The following ZKSCAN5 variants were observed in gnomAD, a reference collection of about 807,000 sequenced individuals.
ZKSCAN5 encodes the protein zinc finger protein with KRAB and SCAN domains 5.
Under a neutral mutation model 60.0 loss-of-function variants are expected in ZKSCAN5, and 28 were observed. That is an observed-to-expected ratio of 0.47 (90% CI 0.35 to 0.64). ZKSCAN5 has a LOEUF of 0.64. Among genes scored for constraint, ZKSCAN5 ranks in the 30% least tolerant of loss-of-function variants. The probability of loss-of-function intolerance (pLI) is 0.01; values close to 1 mark genes in which losing one functional copy is unlikely to be tolerated. For synonymous variants in ZKSCAN5, 361 were observed against 371.2 expected (o/e 0.97, Z 0.31); for missense variants, 881 against 1,034.6 (o/e 0.85, Z 2.04).
rs1288315335 is a variant in ZKSCAN5, at chr7:99,506,106, A to G, written c.62A>G (p.Glu21Gly). 2 of 1,614,042 alleles carry G rather than the reference A, an allele frequency of 1.2e-6. No individual in the cohort carries two copies. Among genetic ancestry groups the G allele is most frequent in the Admixed American group, 1.7e-5 (1 of 59,982 alleles). Residue 21 changes from glutamate (E) to glycine (G), a missense_variant, in exon 2 of 7, where the codon GAG becomes GGG. Transcript: ENST00000326775. ...GACCCCCCAGCTGAGACTTCCCAGG[A>G]GCAGGAAGACCTTTTCATAGTGAAG... ...DLDPPAETSQEQEDLFIVKVE... is the reference protein window; with the variant it reads ...DLDPPAETSQGQEDLFIVKVE...
intron 3 of ZKSCAN5, among the ~76,000 whole-genome samples, chr7:99,515,331 C>T (rs76908618): frequency 0.07 from 10,573 of 151,650 alleles, 748 homozygotes; most frequent in East Asian, 0.31. Context: ...GGCTTGAACA[C>T]GGGAGGCAGA....
Position 99,531,929 on chromosome 7 carries a change from C to G in ZKSCAN5, c.2200C>G (p.Gln734Glu), listed in dbSNP as rs144886822. Residue 734 changes from glutamine (Q) to glutamate (E), a missense_variant, in exon 7 of 7, where the codon CAG becomes GAG. Transcript: ENST00000326775. ...KAFGYSSDLI[Q>E]HYRTHTAEKP... is the part of the protein sequence containing the mutation. Reference sequence around the variant, plus strand: ...CTTTGGTTATAGCTCAGACCTCATTCAGCATTACAGAACTCATACAGCAGA... The same window carrying G: ...CTTTGGTTATAGCTCAGACCTCATTGAGCATTACAGAACTCATACAGCAGA... The G allele has an allele frequency of 4.5e-5, 72 of 1,614,162 alleles. 1 individual carries two copies. In the East Asian group the frequency reaches 1.6e-3, roughly 35 times the overall value.
chr7:99,508,214 G>A (rs944981526), intron 2 of ZKSCAN5, among the ~76,000 whole-genome samples: 1 of 151,472 alleles, frequency 6.6e-6, no homozygotes, highest in Non-Finnish European at 1.5e-5. Flanking sequence ...CAGGAGAATC[G>A]CTTGAACCTG....
intron 2 of ZKSCAN5, among the ~76,000 whole-genome samples, chr7:99,507,457 A>G (rs1318496406): frequency 6.7e-6 from 1 of 150,140 alleles, no homozygotes; most frequent in Non-Finnish European, 1.5e-5. Flanking sequence ...ATATGTATAT[A>G]TATGCGTATA....
At chr7:99,528,295 A>G (rs1801893573) in intron 6 of ZKSCAN5, among the ~76,000 whole-genome samples, 1 of 152,090 alleles carries the variant, frequency 6.6e-6, no homozygotes, top group African/African-American at 2.4e-5. Context: ...AAATCCACCA[A>G]TAGCGCTTTG....
intron 6 of ZKSCAN5, among the ~76,000 whole-genome samples, chr7:99,527,717 T>C (rs1801855437): frequency 6.6e-6 from 1 of 152,112 alleles, no homozygotes; most frequent in Admixed American, 6.6e-5. Flanking sequence ...GGAGTTTCAC[T>C]CTTGTTGCCC....
intron 6 of ZKSCAN5, 98 bp downstream of exon 6, chr7:99,526,516 G>T: frequency 5.7e-6 from 8 of 1,398,270 alleles, no homozygotes; most frequent in Admixed American, 2.3e-5. Context: ...TGGTGATACT[G>T]GGGGGGGTAG....
intron 3 of ZKSCAN5, among the ~76,000 whole-genome samples, chr7:99,512,860 G>A (rs1383419286): frequency 1.3e-5 from 2 of 151,458 alleles, no homozygotes; most frequent in South Asian, 2.1e-4. Context: ...AAGTTGTAGG[G>A]TACATGTGCA....
chr7:99,509,759 C>T (rs958664055), intron 2 of ZKSCAN5, among the ~76,000 whole-genome samples: 1 of 152,182 alleles, frequency 6.6e-6, no homozygotes, highest in African/African-American at 2.4e-5. Context: ...AGCCACTGTG[C>T]CCGGCCACAG....
At chr7:99,505,917 A>G (rs1332408648) in intron 1 of ZKSCAN5, 88 bp from the exon 2 acceptor site, 1 of 1,142,996 alleles carries the variant, frequency 8.7e-7, no homozygotes, top group African/African-American at 1.6e-5. Flanking sequence ...TGTCTTTGCT[A>G]ATAATGATGC....
intron 6 of ZKSCAN5, among the ~76,000 whole-genome samples, chr7:99,528,108 A>G (rs1218364023): frequency 3.3e-5 from 5 of 151,730 alleles, no homozygotes; most frequent in African/African-American, 9.7e-5. Flanking sequence ...AAGACCAGCC[A>G]AAATGTTTTT....
chr7:99,516,062 C>T (rs1232856201), intron 3 of ZKSCAN5, among the ~76,000 whole-genome samples: 2 of 151,916 alleles, frequency 1.3e-5, no homozygotes, highest in Non-Finnish European at 2.9e-5. Flanking sequence ...ACTGCAACCT[C>T]TGCCTCCCAG....
At chr7:99,509,488 A>T (rs983468191) in intron 2 of ZKSCAN5, among the ~76,000 whole-genome samples, 1 of 144,642 alleles carries the variant, frequency 6.9e-6, no homozygotes, top group Non-Finnish European at 1.5e-5. Context: ...TTTTTTTGAG[A>T]CAGAGTCTCA....
rs1802123532 is a variant in ZKSCAN5 at position 99,533,051 on chromosome 7, A to C, written c.*802A>C. 1 of 258,852 alleles carries C rather than the reference A, an allele frequency of 3.9e-6. No homozygotes were observed. Among genetic ancestry groups the C allele is most frequent in the Admixed American group, 3.9e-5 (1 of 25,870 alleles). 16.0% of individuals were successfully genotyped at this position (258,852 alleles called of 1,614,324 possible). A position where few individuals can be genotyped will look rare whatever the true frequency, so the allele number is the denominator to read the frequency against. Reference sequence around the variant, plus strand: ...GCAGAGAAGACAGGCAAAGTTGTGGACTGTTTGATCTTGTATTACCCACAG... The same window carrying C: ...GCAGAGAAGACAGGCAAAGTTGTGGCCTGTTTGATCTTGTATTACCCACAG... On this transcript the variant is annotated 3_prime_UTR_variant, in exon 7 of 7. Coordinates refer to ENST00000326775, the MANE Select transcript of ZKSCAN5 (RefSeq NM_145102.4).
At chr7:99,521,211 T>A (rs1176262402) in intron 5 of ZKSCAN5, among the ~76,000 whole-genome samples, 1 of 152,202 alleles carries the variant, frequency 6.6e-6, no homozygotes, top group East Asian at 1.9e-4. Context: ...TTATTTTATT[T>A]TTTTGAGATG....
chr7:99,528,865 G>T (rs1335339754), intron 6 of ZKSCAN5, among the ~76,000 whole-genome samples: 1 of 152,198 alleles, frequency 6.6e-6, no homozygotes, highest in Non-Finnish European at 1.5e-5. Context: ...TGCAGCCGAT[G>T]GTCTGGTGGG....
chr7:99,507,571 A>T (rs952676501), intron 2 of ZKSCAN5, among the ~76,000 whole-genome samples: 12 of 148,500 alleles, frequency 8.1e-5, no homozygotes, highest in African/African-American at 2.5e-4. Context: ...ATGTGTATAT[A>T]TATGTGTATA....
chr7:99,506,493 AGAG>A (rs778055233), intron 2 of ZKSCAN5, 35 bp downstream of exon 2: 10 of 1,573,928 alleles, frequency 6.4e-6, no homozygotes, highest in Non-Finnish European at 7.8e-6. Context: ...GCAATGAAGG[AGAG>A]GAGTGAACCA....
At chr7:99,522,640 C>T (rs923245708) in intron 5 of ZKSCAN5, among the ~76,000 whole-genome samples, 1 of 151,696 alleles carries the variant, frequency 6.6e-6, no homozygotes, top group East Asian at 2.0e-4. Context: ...GCACCCTCCA[C>T]CACAGCCGCC....
Sources: gnomAD v4.1 joint callset for allele counts (sites outside exome capture counted in the v4.1 genomes callset) on GRCh38, gnomAD v4.1.1 for gene constraint, MANE v1.5 for transcripts, NCBI Gene and HGNC (gene_info 2026-07-23, HGNC 2026-07-21) for gene names.